Variants in TNFRSF1B observed in about 807,000 individuals in gnomAD.
The protein encoded by TNFRSF1B is TNF receptor superfamily member 1B.
A neutral mutation model predicts 44.6 loss-of-function variants in TNFRSF1B; 19 were observed. That is an observed-to-expected ratio of 0.43 (90% CI 0.30 to 0.62). The LOEUF (loss-of-function observed/expected upper bound fraction) is 0.62. Among genes scored for constraint, TNFRSF1B ranks in the 20% least tolerant of loss-of-function variants. The pLI, the probability that TNFRSF1B is intolerant of heterozygous loss-of-function variation, is 0.16. For missense variants in TNFRSF1B, 541 were observed against 619.9 expected (o/e 0.87, Z 1.35); for synonymous variants, 252 against 261.1 (o/e 0.97, Z 0.34).
intron 5 of TNFRSF1B, 89 bp downstream of exon 5, chr1:12,192,613 C>A: frequency 1.6e-6 from 2 of 1,283,920 alleles, no homozygotes; most frequent in South Asian, 1.2e-5. Flanking sequence ...AGCTCACCAA[C>A]CACCATTGTC....
chr1:12,192,232 A>T (rs1457708284), intron 4 of TNFRSF1B, 199 bp from the exon 5 acceptor site: 2 of 708,134 alleles, frequency 2.8e-6, no homozygotes, highest in Non-Finnish European at 5.1e-6. Flanking sequence ...AATCCCGTGC[A>T]TGTGTGTACA....
At chr1:12,196,515 C>T (rs1352964691) in intron 8 of TNFRSF1B, among the ~76,000 whole-genome samples, 1 of 152,164 alleles carries the variant, frequency 6.6e-6, no homozygotes, top group Non-Finnish European at 1.5e-5. Context: ...GAGGGAACAG[C>T]TCAGCCCTGG....
At chr1:12,183,705 TATCTA>T (rs1369929320) in intron 1 of TNFRSF1B, among the ~76,000 whole-genome samples, 1 of 120,812 alleles carries the variant, frequency 8.3e-6, no homozygotes, top group African/African-American at 2.9e-5. Context: ...TCTATCTATC[TATCTA>T]TTCTATCTAC....
intron 1 of TNFRSF1B, among the ~76,000 whole-genome samples, chr1:12,176,298 C>T (rs1217694948): frequency 6.6e-6 from 1 of 152,080 alleles, no homozygotes; most frequent in Non-Finnish European, 1.5e-5. Context: ...TAGCTGGAGC[C>T]AAAGGTTTGT....
At chr1:12,201,344 T>C (rs1639387236) in intron 8 of TNFRSF1B, among the ~76,000 whole-genome samples, 1 of 151,988 alleles carries the variant, frequency 6.6e-6, no homozygotes. Context: ...TGCCTAGTTC[T>C]GATTTAACAA....
At chr1:12,197,866 C>T (rs1031939319) in intron 8 of TNFRSF1B, among the ~76,000 whole-genome samples, 1 of 152,174 alleles carries the variant, frequency 6.6e-6, no homozygotes, top group African/African-American at 2.4e-5. Flanking sequence ...TGGCTCACGC[C>T]TGTAATCCCA....
intron 8 of TNFRSF1B, among the ~76,000 whole-genome samples, chr1:12,200,685 C>T (rs555790341): frequency 5.3e-5 from 8 of 152,114 alleles, no homozygotes; most frequent in South Asian, 4.1e-4. Context: ...TGCAGTGGCT[C>T]GATCTCGCCT....
In TNFRSF1B at chr1:12,177,203, C is replaced by T. The variant is rs1303717590; in HGVS notation, c.78+10034C>T. 3.9e-5 allele frequency among the ~76,000 whole-genome samples: 6 copies of T among 152,112 alleles called. No individual in the cohort carries two copies. Among genetic ancestry groups the T allele is most frequent in the African/African-American group, 9.7e-5 (4 of 41,416 alleles). On this transcript the variant is annotated intron_variant, in intron 1 of 9. Coordinates refer to ENST00000376259, the MANE Select transcript of TNFRSF1B (RefSeq NM_001066.3). The surrounding 1 kb of genome is among the most constrained non-coding windows in gnomAD (Gnocchi z 4.3). ...ATTTTTTTTAGTAGAGATGGTGTTT[C>T]GCCATGTTGGCCCGGCTGGTCTTGA...
rs1461439141 is a variant in TNFRSF1B, at chr1:12,180,359, G to A, written c.79-8437G>A. ...AAGAGCAGAGGGCACCACAGATGCC[G>A]TGCTTTCAGCTTTTTCCTTCTCCTC... On this transcript the variant is annotated intron_variant, in intron 1 of 9. Coordinates refer to ENST00000376259, the MANE Select transcript of TNFRSF1B (RefSeq NM_001066.3). This position sits in a 1 kb window ranked among gnomAD's most constrained non-coding sequence, Gnocchi z 4.3. 6.6e-6 allele frequency among the ~76,000 whole-genome samples: 1 copy of A among 152,204 alleles called. No individual in the cohort carries two copies. The highest frequency in any genetic ancestry group is 2.4e-5 in the African/African-American group (1 of 41,448).
At chr1:12,184,563 G>GA (rs34824170) in intron 1 of TNFRSF1B, among the ~76,000 whole-genome samples, 1 of 152,194 alleles carries the variant, frequency 6.6e-6, no homozygotes, top group Admixed American at 6.5e-5. Flanking sequence ...GAGGAACCTG[G>GA]AGGGGAGGAG....
intron 8 of TNFRSF1B, among the ~76,000 whole-genome samples, chr1:12,197,917 A>G (rs985079793): frequency 6.6e-6 from 1 of 152,148 alleles, no homozygotes; most frequent in Non-Finnish European, 1.5e-5. Context: ...CGAGGTCAGG[A>G]GATCGAGACC....
chr1:12,174,154 T>TCTTCTTCTTCTTCTTCTTCTC (rs1638588861), intron 1 of TNFRSF1B, among the ~76,000 whole-genome samples: 1 of 73,994 alleles, frequency 1.4e-5, no homozygotes, highest in African/African-American at 6.3e-5. Flanking sequence ...TTCTTCTTCT[T>TCTTCTTCTTCTTCTTCTTCTC]CTTCTTCTTC....
At chr1:12,197,894 G>T (rs1157219384) in intron 8 of TNFRSF1B, among the ~76,000 whole-genome samples, 2 of 152,066 alleles carry the variant, frequency 1.3e-5, no homozygotes, top group South Asian at 2.1e-4. Context: ...GGGAGGCCGA[G>T]GGGGGCGGAT....
chr1:12,207,372 T>G lies in TNFRSF1B; in HGVS notation c.*352T>G. 1 of 253,408 alleles carries G rather than the reference T, an allele frequency of 3.9e-6. No homozygotes were observed. The highest frequency in any genetic ancestry group is 7.4e-5 in the East Asian group (1 of 13,540). The allele number at this position is 253,408 out of a possible 1,614,324, so 15.7% of individuals were successfully genotyped here. ...AGCCCTTGGGTTTTTTGTTTGTTTG[T>G]TTGTTTGTTTGTTTGTTTCTCCCCC... On this transcript the variant is annotated 3_prime_UTR_variant, in exon 10 of 10. Transcript: ENST00000376259.
chr1:12,174,633 T>C (rs970666029), intron 1 of TNFRSF1B, among the ~76,000 whole-genome samples: 1 of 152,226 alleles, frequency 6.6e-6, no homozygotes, highest in Non-Finnish European at 1.5e-5. Context: ...TGTTGCTGGA[T>C]TCAGGAGACC....
At chr1:12,176,781 A>G (rs1638665868) in intron 1 of TNFRSF1B, among the ~76,000 whole-genome samples, 1 of 152,170 alleles carries the variant, frequency 6.6e-6, no homozygotes, top group Non-Finnish European at 1.5e-5. Flanking sequence ...GGCTGTCAAC[A>G]TGGTTCAGGT....
chr1:12,192,339 G>A, intron 4 of TNFRSF1B, 92 bp from the exon 5 acceptor site: 1 of 1,106,796 alleles, frequency 9.0e-7, no homozygotes, highest in Non-Finnish European at 1.4e-6. Context: ...AGCTCCTTGG[G>A]CCCCTCAGAC....
At chr1:12,182,647 G>A (rs775870996) in intron 1 of TNFRSF1B, among the ~76,000 whole-genome samples, 13 of 152,362 alleles carry the variant, frequency 8.5e-5, no homozygotes, top group Non-Finnish European at 1.3e-4. Context: ...TGATCTCCCT[G>A]AGCTGTGAAA....
chr1:12,188,942 G>A (rs771636221), intron 2 of TNFRSF1B, 47 bp downstream of exon 2: 4 of 1,565,544 alleles, frequency 2.6e-6, no homozygotes, highest in East Asian at 2.2e-5. Context: ...CTGGAGGAGC[G>A]TGTGTGTACA....
Sources: gnomAD v4.1 joint callset for allele counts (sites outside exome capture counted in the v4.1 genomes callset) on GRCh38, gnomAD v4.1.1 for gene constraint, Gnocchi (gnomAD v3.1) non-coding constraint, MANE v1.5 for transcripts, NCBI Gene and HGNC (gene_info 2026-07-23, HGNC 2026-07-21) for gene names.